PDSS2: variants seen among roughly 807,000 people sequenced by gnomAD.
PDSS2 encodes the protein all trans-polyprenyl-diphosphate synthase PDSS2.
PDSS2 carries 31 observed loss-of-function variants against 44.5 expected under a neutral mutation model. That is an observed-to-expected ratio of 0.70 (90% CI 0.52 to 0.94). The LOEUF (loss-of-function observed/expected upper bound fraction) is 0.94. Ranked by LOEUF, PDSS2 falls within the 40% of genes least tolerant of loss-of-function variation. PDSS2 has a pLI of 0.00. For synonymous variants in PDSS2, 157 were observed against 180.3 expected (o/e 0.87, Z 1.03); for missense variants, 452 against 482.2 (o/e 0.94, Z 0.59).
chr6:107,194,051 G>A (rs1198721441), intron 6 of PDSS2, among the ~76,000 whole-genome samples, 197 bp from the exon 7 acceptor site: 3 of 152,128 alleles, frequency 2.0e-5, no homozygotes, highest in Non-Finnish European at 4.4e-5. Flanking sequence ...AGATCACTGA[G>A]CACGCATAGA....
At chr6:107,276,200 C>G (rs1775779243) in intron 2 of PDSS2, among the ~76,000 whole-genome samples, 1 of 151,740 alleles carries the variant, frequency 6.6e-6, no homozygotes. Flanking sequence ...ATTCGAGAAC[C>G]ATTTCCAGGG....
chr6:107,211,836 T>C (rs1773227917), intron 5 of PDSS2, among the ~76,000 whole-genome samples: 1 of 151,510 alleles, frequency 6.6e-6, no homozygotes, highest in Non-Finnish European at 1.5e-5. Flanking sequence ...TATTTAATAA[T>C]ATGTAAGAGT....
intron 1 of PDSS2, among the ~76,000 whole-genome samples, chr6:107,430,770 C>T (rs1358888428): frequency 6.6e-6 from 1 of 151,798 alleles, no homozygotes; most frequent in Non-Finnish European, 1.5e-5. Flanking sequence ...GACTGCACCA[C>T]TGCACTCCAG....
chr6:107,231,289 A>C (rs904772022), intron 4 of PDSS2, among the ~76,000 whole-genome samples: 10 of 152,214 alleles, frequency 6.6e-5, no homozygotes, highest in Non-Finnish European at 1.2e-4. Context: ...AAAGACTGTG[A>C]TATGCAAAGA....
At chr6:107,365,926 G>C (rs1301819862) in intron 1 of PDSS2, among the ~76,000 whole-genome samples, 2 of 151,978 alleles carry the variant, frequency 1.3e-5, no homozygotes, top group Admixed American at 6.5e-5. Flanking sequence ...GAAGAAACAG[G>C]CAATTCAGGA....
intron 3 of PDSS2, among the ~76,000 whole-genome samples, chr6:107,261,364 A>G (rs1045853450): frequency 6.6e-6 from 1 of 152,092 alleles, no homozygotes; most frequent in African/African-American, 2.4e-5. Flanking sequence ...TGGTAGTTTA[A>G]AAGTGTGTGG....
chr6:107,251,491 G>A (rs1308246575), intron 3 of PDSS2, among the ~76,000 whole-genome samples: 1 of 152,166 alleles, frequency 6.6e-6, no homozygotes, highest in Non-Finnish European at 1.5e-5. Context: ...ACAGTCATGT[G>A]TGTTCATGTG....
intron 1 of PDSS2, among the ~76,000 whole-genome samples, chr6:107,398,163 C>G (rs1780005000): frequency 6.6e-6 from 1 of 152,184 alleles, no homozygotes; most frequent in South Asian, 2.1e-4. Context: ...CATTGCTCCT[C>G]CTTTTCCCAA....
chr6:107,248,516 TAAAAAAAAAAA>T (rs34881663), intron 3 of PDSS2, among the ~76,000 whole-genome samples: 5 of 122,244 alleles, frequency 4.1e-5, no homozygotes, highest in African/African-American at 1.5e-4. Context: ...AGGGAACTGT[TAAAAAAAAAAA>T]AAAAAAAAAA....
chr6:107,184,702 G>GCC (rs1772102201), intron 7 of PDSS2, among the ~76,000 whole-genome samples: 2 of 152,310 alleles, frequency 1.3e-5, no homozygotes, highest in South Asian at 2.1e-4. Context: ...GGAGGATAGA[G>GCC]CCAGAACGTG....
At chr6:107,325,052 G>GA (rs557309041) in intron 2 of PDSS2, among the ~76,000 whole-genome samples, 425 of 149,708 alleles carry the variant, frequency 2.8e-3, no homozygotes, top group African/African-American at 8.5e-3. Flanking sequence ...AAGGTTTATA[G>GA]AAAAAAAAAC....
At position 107,396,723 on chromosome 6, in the gene PDSS2, C is replaced by T. The variant is rs1206449069; in HGVS notation, c.296+62267G>A. On this transcript the variant is annotated intron_variant, in intron 1 of 7. Coordinates refer to ENST00000369037, the MANE Select transcript of PDSS2 (RefSeq NM_020381.4). ...TTTGAGACAGGGACAGGGTCTTGCT[C>T]TGTTACCCAGGCTGGAGTGCAGTGG... Among the ~76,000 whole-genome samples the T allele has an allele frequency of 3.3e-5, 4 of 120,380 alleles. No homozygotes were observed. In the East Asian group the frequency reaches 1.0e-3, roughly 32 times the overall value. The allele number at this position is 120,380 out of a possible 152,430, so 79.0% of individuals were successfully genotyped here.
intron 2 of PDSS2, among the ~76,000 whole-genome samples, chr6:107,327,703 T>C (rs1230705442): frequency 6.6e-6 from 1 of 152,220 alleles, no homozygotes; most frequent in East Asian, 1.9e-4. Context: ...GTGATCCACC[T>C]GCCTCGGCCT....
chr6:107,223,292 G>A (rs1405767534), intron 4 of PDSS2, among the ~76,000 whole-genome samples: 2 of 150,972 alleles, frequency 1.3e-5, no homozygotes, highest in Non-Finnish European at 2.9e-5. Flanking sequence ...CACTTTGGGA[G>A]GCCGAGGTGG....
Position 107,361,509 on chromosome 6 carries a change from C to T in PDSS2, c.297-27177G>A, listed in dbSNP as rs201770428. ...CAGGGTTGACATTTTCTACTTGACC[C>T]TACAAATGTCTTTTCTCTCCACTTG... is the stretch of plus-strand genomic sequence containing the variant. On this transcript the variant is annotated intron_variant, in intron 1 of 7. Transcript: ENST00000369037. 3.3e-5 allele frequency among the ~76,000 whole-genome samples: 5 copies of T among 152,144 alleles called. No homozygotes were observed. The East Asian group carries it at 9.6e-4, about 29-fold the overall frequency.
intron 1 of PDSS2, among the ~76,000 whole-genome samples, chr6:107,357,108 C>T (rs1171536402): frequency 6.6e-6 from 1 of 152,100 alleles, no homozygotes; most frequent in African/African-American, 2.4e-5. Context: ...AACGAGGAAA[C>T]AACATTTCTT....
chr6:107,154,827 A>G (rs781855481), intron 7 of PDSS2, 50 bp from the exon 8 acceptor site: 18 of 1,527,080 alleles, frequency 1.2e-5, no homozygotes, highest in Middle Eastern at 1.7e-4. Flanking sequence ...GGTACACAGT[A>G]AGCACCACAA....
chr6:107,452,045 C>A (rs1781884021), intron 1 of PDSS2, among the ~76,000 whole-genome samples: 2 of 151,924 alleles, frequency 1.3e-5, no homozygotes, highest in African/African-American at 2.4e-5. Flanking sequence ...TTTTAAGTGA[C>A]AAAGTCTTGC....
intron 4 of PDSS2, among the ~76,000 whole-genome samples, chr6:107,244,634 C>T (rs891351383): frequency 6.6e-5 from 10 of 152,190 alleles, no homozygotes; most frequent in African/African-American, 2.2e-4. Flanking sequence ...GTCTCTGAAC[C>T]ACCCAGAGTC....
Sources: allele counts gnomAD v4.1 joint callset (sites outside exome capture counted in the v4.1 genomes callset), GRCh38; gene constraint gnomAD v4.1.1; transcripts MANE v1.5; gene names NCBI Gene and HGNC (gene_info 2026-07-23, HGNC 2026-07-21).